Variants in BMPR1B observed in about 807,000 individuals in gnomAD.
The protein encoded by BMPR1B is bone morphogenetic protein receptor type 1B.
In BMPR1B, 12 loss-of-function variants were observed where a neutral mutation model predicts 59.1. The observed-to-expected ratio is 0.20, with a 90% confidence interval of 0.13 to 0.33. BMPR1B has a LOEUF of 0.33. Among genes scored for constraint, BMPR1B ranks in the 10% least tolerant of loss-of-function variants. The pLI, the probability that BMPR1B is intolerant of heterozygous loss-of-function variation, is 1.00. For missense variants in BMPR1B, 550 were observed against 610.9 expected, an observed-to-expected ratio of 0.90 and a Z score of 1.05; for synonymous variants, 237 against 207.3, an observed-to-expected ratio of 1.14 and a Z score of -1.23.
chr4:94,929,527 G>C (rs1341845659), intron 2 of BMPR1B, among the ~76,000 whole-genome samples: 1 of 151,888 alleles, frequency 6.6e-6, no homozygotes, highest in African/African-American at 2.4e-5. Context: ...TCTCAAAACT[G>C]TGTTTTCTGG....
intron 2 of BMPR1B, among the ~76,000 whole-genome samples, chr4:94,907,502 T>G (rs1414598285): frequency 6.6e-6 from 1 of 151,974 alleles, no homozygotes; most frequent in African/African-American, 2.4e-5. Flanking sequence ...GCTCGGTCCT[T>G]TCTGTCTGTC....
At chr4:94,948,683 TGG>T (rs1454833251) in intron 2 of BMPR1B, among the ~76,000 whole-genome samples, 1 of 152,200 alleles carries the variant, frequency 6.6e-6, no homozygotes, top group Non-Finnish European at 1.5e-5. Flanking sequence ...GATAACTGTT[TGG>T]GCTGAAATTC....
At chr4:94,816,257 C>T (rs1724007068) in intron 1 of BMPR1B, among the ~76,000 whole-genome samples, 1 of 152,208 alleles carries the variant, frequency 6.6e-6, no homozygotes, top group Admixed American at 6.5e-5. Flanking sequence ...AGCGATTCTC[C>T]TGCTTCAGCC....
At chr4:94,917,327 C>G (rs1050200769) in intron 2 of BMPR1B, among the ~76,000 whole-genome samples, 1 of 152,212 alleles carries the variant, frequency 6.6e-6, no homozygotes, top group African/African-American at 2.4e-5. Context: ...AGCTTGCACC[C>G]TGTGCCTGGA....
chr4:95,116,263 G>A (rs999793231), intron 6 of BMPR1B, among the ~76,000 whole-genome samples: 1 of 151,642 alleles, frequency 6.6e-6, no homozygotes. Flanking sequence ...TGATAAAATG[G>A]GGAAGGTATC....
At chr4:94,990,705 T>C (rs1560583370) in intron 2 of BMPR1B, among the ~76,000 whole-genome samples, 1 of 150,662 alleles carries the variant, frequency 6.6e-6, no homozygotes, top group African/African-American at 2.4e-5. Flanking sequence ...TTGTTGTTGT[T>C]TTTTATACTT....
At chr4:95,006,780 C>T (rs975868431) in intron 3 of BMPR1B, among the ~76,000 whole-genome samples, 2 of 152,058 alleles carry the variant, frequency 1.3e-5, no homozygotes, top group African/African-American at 2.4e-5. Context: ...ACTTCGTGAT[C>T]CACCCGCCTC....
At position 95,028,690 on chromosome 4, in the gene BMPR1B, T is replaced by C. The variant is rs1286553972; in HGVS notation, c.-18+32556T>C. ...ACACTTAATAACTATAAGCTTTAAA[T>C]TTTTAAAAGATGCCTTGTTTGTGGT... On this transcript the variant is annotated intron_variant, in intron 3 of 12. Coordinates refer to ENST00000515059, the MANE Select transcript of BMPR1B (RefSeq NM_001203.3). Among the ~76,000 whole-genome samples the C allele has an allele frequency of 2.0e-5, 3 of 152,300 alleles. No individual in the cohort carries two copies. In the East Asian group the frequency reaches 5.8e-4, roughly 29 times the overall value.
intron 1 of BMPR1B, among the ~76,000 whole-genome samples, chr4:94,852,883 A>G (rs1192334709): frequency 1.3e-5 from 2 of 152,214 alleles, no homozygotes; most frequent in African/African-American, 4.8e-5. Flanking sequence ...TTTGGGGGAT[A>G]TGGAGACCAT....
intron 1 of BMPR1B, among the ~76,000 whole-genome samples, chr4:94,823,993 GC>G (rs1560501785): frequency 6.6e-6 from 1 of 152,118 alleles, no homozygotes; most frequent in Non-Finnish European, 1.5e-5. Context: ...CGATCCACCC[GC>G]CTTGGCCTCC....
intron 1 of BMPR1B, among the ~76,000 whole-genome samples, chr4:94,785,821 CT>C (rs763504454): frequency 6.6e-6 from 1 of 152,142 alleles, no homozygotes; most frequent in Non-Finnish European, 1.5e-5. Context: ...ATGCTGACAC[CT>C]GGAAATGAGA....
At position 95,129,996 on chromosome 4, in the gene BMPR1B, C is replaced by T. The variant is rs1733200920; in HGVS notation, c.720C>T (p.Ser240=). 1.2e-6 allele frequency: 2 copies of T among 1,613,978 alleles called. No individual in the cohort carries two copies. The highest frequency in any genetic ancestry group is 1.7e-6 in the Non-Finnish European group (2 of 1,179,936). Residue 240 remains serine, a synonymous_variant, in exon 9 of 13, where the codon AGC becomes AGT. Coordinates refer to ENST00000515059, the MANE Select transcript of BMPR1B (RefSeq NM_001203.3). ...TGTTCTTCACCACAGAGGAAGCCAG[C>T]TGGTTCAGAGAGACAGAAATATATC... ...VKVFFTTEEA[S]WFRETEIYQT... is the part of the protein sequence containing the mutation.
At chr4:95,101,705 A>G (rs1730833213) in intron 3 of BMPR1B, among the ~76,000 whole-genome samples, 1 of 152,150 alleles carries the variant, frequency 6.6e-6, no homozygotes, top group Non-Finnish European at 1.5e-5. Flanking sequence ...AATTTATACA[A>G]GATGTGCATC....
intron 1 of BMPR1B, among the ~76,000 whole-genome samples, chr4:94,773,043 C>A (rs965451267): frequency 2.0e-5 from 3 of 152,212 alleles, no homozygotes; most frequent in South Asian, 2.1e-4. Context: ...TGTAATTTTT[C>A]ATCACAGTAA....
At chr4:95,134,526 C>T (rs1395459359) in intron 10 of BMPR1B, among the ~76,000 whole-genome samples, 2 of 152,108 alleles carry the variant, frequency 1.3e-5, no homozygotes, top group Non-Finnish European at 2.9e-5. Flanking sequence ...CTCTCCAGCA[C>T]CTGTTGTTTC....
chr4:94,802,550 C>T (rs758759864), intron 1 of BMPR1B, among the ~76,000 whole-genome samples: 2 of 152,122 alleles, frequency 1.3e-5, no homozygotes, highest in Non-Finnish European at 2.9e-5. Context: ...GTAGAGTTTA[C>T]TTAAGTACAT....
intron 1 of BMPR1B, among the ~76,000 whole-genome samples, chr4:94,856,849 T>C (rs530236865): frequency 2.0e-5 from 3 of 152,210 alleles, no homozygotes; most frequent in Admixed American, 1.3e-4. Context: ...TTTTGAAATA[T>C]TTGTAATGAC....
intron 2 of BMPR1B, among the ~76,000 whole-genome samples, chr4:94,987,713 ATTC>A (rs1281601814): frequency 1.3e-5 from 2 of 152,036 alleles, no homozygotes; most frequent in Non-Finnish European, 2.9e-5. Context: ...GATACTTCTT[ATTC>A]TTAAGATTCC....
intron 8 of BMPR1B, among the ~76,000 whole-genome samples, chr4:95,127,476 AAGC>A (rs1424648967): frequency 1.3e-5 from 2 of 152,192 alleles, no homozygotes; most frequent in Non-Finnish European, 2.9e-5. Flanking sequence ...TTAGAAAAAA[AAGC>A]AGATGCAAAA....
Sources: allele counts gnomAD v4.1 joint callset (sites outside exome capture counted in the v4.1 genomes callset), GRCh38; gene constraint gnomAD v4.1.1; transcripts MANE v1.5; gene names NCBI Gene and HGNC (gene_info 2026-07-23, HGNC 2026-07-21).